Variants in ARLN observed in about 807,000 individuals in gnomAD.
The protein encoded by ARLN is allregulin, also known as sarcoplasmic/endoplasmic reticulum calcium ATPase regulator ARLN.
At chr4:119,304,411 C>T in the ARLN span, 1 of 1,536,492 alleles carries the variant, frequency 6.5e-7, no homozygotes, top group Non-Finnish European at 8.7e-7. Context: ...CTGTAATGGT[C>T]TCCTATTAAT....
At chr4:119,297,969 TA>T in the ARLN span, 3 of 152,648 alleles carry the variant, frequency 2.0e-5, no homozygotes, top group African/African-American at 7.2e-5. Context: ...CTGGCTCAAA[TA>T]TTTGTTGAAT....
chr4:119,299,277 A>G, the ARLN span, among the ~76,000 whole-genome samples: 14 of 152,054 alleles, frequency 9.2e-5, 1 homozygote, highest in Middle Eastern at 6.3e-3. Flanking sequence ...AACTTACTAC[A>G]CCATCCAAGA....
the ARLN span, chr4:119,300,227 G>C: frequency 1.1e-6 from 1 of 888,674 alleles, no homozygotes; most frequent in South Asian, 1.6e-5. Context: ...CCAGCTGTGT[G>C]ATCTTGGACA....
At chr4:119,304,252 G>A in the ARLN span, 1 of 1,534,208 alleles carries the variant, frequency 6.5e-7, no homozygotes, top group Non-Finnish European at 8.7e-7. Flanking sequence ...TACCAATTGT[G>A]AAAACTTCAC....
the ARLN span, among the ~76,000 whole-genome samples, chr4:119,303,042 C>G: frequency 6.6e-6 from 1 of 152,098 alleles, no homozygotes; most frequent in East Asian, 1.9e-4. Flanking sequence ...AATTTGGTTA[C>G]TGTAATTTTC....
chr4:119,298,893 C>A, the ARLN span: 1 of 623,684 alleles, frequency 1.6e-6, no homozygotes, highest in Non-Finnish European at 3.0e-6. Flanking sequence ...CTTGTAAGGC[C>A]TCTATTTTCT....
At chr4:119,303,468 C>T in the ARLN span, among the ~76,000 whole-genome samples, 2 of 145,016 alleles carry the variant, frequency 1.4e-5, no homozygotes, top group Non-Finnish European at 3.1e-5. Context: ...CTCCTGACCT[C>T]AGGTGATCCG....
the ARLN span, chr4:119,300,971 C>T: frequency 8.9e-4 from 553 of 623,714 alleles, 2 homozygotes; most frequent in African/African-American, 9.4e-3. Context: ...GGAAGGCCCC[C>T]TCTGGTGGGT....
At chr4:119,300,931 TTCCGTTTGGA>T in the ARLN span, 3 of 891,222 alleles carry the variant, frequency 3.4e-6, no homozygotes, top group Non-Finnish European at 4.9e-6. Context: ...TATCCCCGTA[TTCCGTTTGGA>T]TCCTTATGCC....
At chr4:119,304,150 C>T in the ARLN span, 1 of 807,632 alleles carries the variant, frequency 1.2e-6, no homozygotes, top group Non-Finnish European at 1.9e-6. Context: ...CCAAATCCTA[C>T]TCATCCTTCA....
the ARLN span, among the ~76,000 whole-genome samples, chr4:119,303,465 C>A: frequency 6.8e-6 from 1 of 146,626 alleles, no homozygotes; most frequent in South Asian, 2.3e-4. Context: ...GAACTCCTGA[C>A]CTCAGGTGAT....
At chr4:119,300,772 A>G in the ARLN span, 14 of 1,470,438 alleles carry the variant, frequency 9.5e-6, no homozygotes, top group African/African-American at 8.5e-5. Context: ...CACTAAGTCA[A>G]TGGGCCCGCC....
chr4:119,300,592 C>G, the ARLN span: 1 of 1,612,770 alleles, frequency 6.2e-7, no homozygotes, highest in Non-Finnish European at 8.5e-7. Context: ...AGTTCCCGGA[C>G]TTTGGTGTTC....
the ARLN span, among the ~76,000 whole-genome samples, chr4:119,302,476 A>T: frequency 6.6e-6 from 1 of 152,240 alleles, no homozygotes; most frequent in Admixed American, 6.5e-5. Context: ...ACTGGCCTCA[A>T]GTGATCCTTC....
chr4:119,299,701 A>G, the ARLN span, among the ~76,000 whole-genome samples: 1 of 152,096 alleles, frequency 6.6e-6, no homozygotes, highest in Admixed American at 6.5e-5. Context: ...GTGTTTTAGG[A>G]TATGTGGATG....
At chr4:119,304,205 A>C in the ARLN span, 8 of 1,451,762 alleles carry the variant, frequency 5.5e-6, no homozygotes, top group Non-Finnish European at 7.4e-6. Flanking sequence ...CTTCACTACA[A>C]TTCACATTGA....
At chr4:119,303,357 C>T in the ARLN span, among the ~76,000 whole-genome samples, 1 of 151,736 alleles carries the variant, frequency 6.6e-6, no homozygotes, top group Non-Finnish European at 1.5e-5. Context: ...GCCTCAGCCT[C>T]CTGAGTAGCT....
chr4:119,301,208 A>C, the ARLN span, among the ~76,000 whole-genome samples: 1 of 145,868 alleles, frequency 6.9e-6, no homozygotes, highest in Non-Finnish European at 1.5e-5. Context: ...GTTCGAGACC[A>C]GCCTGGCCAA....
At chr4:119,297,341 G>A in the ARLN span, 7 of 151,998 alleles carry the variant, frequency 4.6e-5, no homozygotes, top group Non-Finnish European at 7.3e-5. Flanking sequence ...TTTAAAAGGC[G>A]GGGGAGTATC....
Sources: allele counts gnomAD v4.1 joint callset (sites outside exome capture counted in the v4.1 genomes callset), GRCh38; gene constraint gnomAD v4.1.1; transcripts MANE v1.5; gene names NCBI Gene and HGNC (gene_info 2026-07-23, HGNC 2026-07-21).